The following CTNNA2 variants were observed in gnomAD, a reference collection of about 807,000 sequenced individuals.
CTNNA2 encodes catenin alpha-2.
A neutral mutation model predicts 101.0 loss-of-function variants in CTNNA2; 42 were observed. That is an observed-to-expected ratio of 0.42 (90% CI 0.32 to 0.54). CTNNA2 has a LOEUF of 0.54. Ranked by LOEUF, CTNNA2 falls within the 20% of genes least tolerant of loss-of-function variation. CTNNA2 has a pLI of 0.14. For missense variants in CTNNA2, 871 were observed against 1,223.1 expected, an observed-to-expected ratio of 0.71 and a Z score of 4.29; for synonymous variants, 450 against 456.4, an observed-to-expected ratio of 0.99 and a Z score of 0.18.
chr2:79,743,066 T>A (rs967820658), intron 2 of CTNNA2, among the ~76,000 whole-genome samples: 1 of 152,182 alleles, frequency 6.6e-6, no homozygotes, highest in Non-Finnish European at 1.5e-5. Context: ...CATTTGGAAC[T>A]TTTTTGTAGA....
intron 7 of CTNNA2, among the ~76,000 whole-genome samples, chr2:80,104,360 G>C (rs1700744680): frequency 6.6e-6 from 1 of 152,206 alleles, no homozygotes; most frequent in African/African-American, 2.4e-5. Flanking sequence ...AAGGCAAAGT[G>C]GGATGAGAGA....
chr2:79,191,249 T>C (rs1673866237), intron 1 of CTNNA2, among the ~76,000 whole-genome samples: 1 of 152,194 alleles, frequency 6.6e-6, no homozygotes, highest in Non-Finnish European at 1.5e-5. Context: ...CCAATTCCCC[T>C]CAGGGAAGCA....
At chr2:80,638,001 A>T (rs185055165) in intron 18 of CTNNA2, among the ~76,000 whole-genome samples, 1 of 152,116 alleles carries the variant, frequency 6.6e-6, no homozygotes, top group Non-Finnish European at 1.5e-5. Flanking sequence ...TCATTTAGTG[A>T]CTTTGATCCA....
intron 4 of CTNNA2, among the ~76,000 whole-genome samples, chr2:79,504,368 C>T (rs1671366745): frequency 6.6e-6 from 1 of 152,098 alleles, no homozygotes; most frequent in Non-Finnish European, 1.5e-5. Context: ...CAGCTCACTG[C>T]AACCTCCGCC....
At chr2:79,448,911 T>C (rs1354788264) in intron 4 of CTNNA2, among the ~76,000 whole-genome samples, 1 of 152,022 alleles carries the variant, frequency 6.6e-6, no homozygotes, top group African/African-American at 2.4e-5. Flanking sequence ...TTTATGTGCA[T>C]GAACAATCAA....
chr2:79,404,665 A>G (rs1678323500), intron 4 of CTNNA2, among the ~76,000 whole-genome samples: 1 of 152,060 alleles, frequency 6.6e-6, no homozygotes, highest in South Asian at 2.1e-4. Flanking sequence ...AATGGGCATG[A>G]GAGAAAAGGC....
intron 3 of CTNNA2, among the ~76,000 whole-genome samples, chr2:79,790,495 T>A (rs1042283206): frequency 6.6e-6 from 1 of 152,146 alleles, no homozygotes; most frequent in East Asian, 1.9e-4. Context: ...GAGGGCTATA[T>A]ACTAATGAAT....
intron 4 of CTNNA2, among the ~76,000 whole-genome samples, chr2:79,861,054 A>G (rs1304970925): frequency 3.9e-5 from 6 of 152,228 alleles, no homozygotes; most frequent in Non-Finnish European, 8.8e-5. Context: ...TTTTAAATAA[A>G]CAATGAGTTT....
intron 3 of CTNNA2, among the ~76,000 whole-genome samples, chr2:79,798,943 C>T (rs968299532): frequency 2.6e-5 from 4 of 152,214 alleles, no homozygotes; most frequent in South Asian, 2.1e-4. Context: ...ATGGAAAGTA[C>T]GCATCTGGCA....
intron 4 of CTNNA2, among the ~76,000 whole-genome samples, chr2:79,379,687 A>G (rs1385537802): frequency 6.6e-6 from 1 of 152,222 alleles, no homozygotes; most frequent in Non-Finnish European, 1.5e-5. Context: ...AGTAGTATGA[A>G]TGAGTCACAC....
intron 4 of CTNNA2, among the ~76,000 whole-genome samples, chr2:79,865,428 T>C (rs1681993613): frequency 6.6e-6 from 1 of 152,218 alleles, no homozygotes; most frequent in African/African-American, 2.4e-5. Context: ...GATTTACATA[T>C]GATCCATTAA....
chr2:79,576,448 A>T (rs1192937554), intron 1 of CTNNA2, among the ~76,000 whole-genome samples: 1 of 152,154 alleles, frequency 6.6e-6, no homozygotes, highest in Non-Finnish European at 1.5e-5. Flanking sequence ...TCGGTTTTTT[A>T]AAGTACCCAT....
chr2:80,506,927 G>A (rs1338479456), intron 9 of CTNNA2, among the ~76,000 whole-genome samples: 1 of 152,162 alleles, frequency 6.6e-6, no homozygotes, highest in Admixed American at 6.5e-5. Flanking sequence ...CTGTAAGATA[G>A]GGGTGAGAAT....
At chr2:80,631,474 G>A (rs1212184540) in intron 18 of CTNNA2, among the ~76,000 whole-genome samples, 1 of 151,708 alleles carries the variant, frequency 6.6e-6, no homozygotes, top group Non-Finnish European at 1.5e-5. Flanking sequence ...CTCGTTGCAA[G>A]GGAACAGACA....
At chr2:79,695,766 G>A (rs1384155096) in intron 2 of CTNNA2, among the ~76,000 whole-genome samples, 4 of 151,990 alleles carry the variant, frequency 2.6e-5, no homozygotes, top group Non-Finnish European at 5.9e-5. Context: ...GTTAGAGAGG[G>A]TCAGTGTGTA....
intron 3 of CTNNA2, among the ~76,000 whole-genome samples, chr2:79,322,935 A>T (rs1676657919): frequency 6.6e-6 from 1 of 152,148 alleles, no homozygotes; most frequent in South Asian, 2.1e-4. Context: ...TTGCGAGAGA[A>T]GTTTCCAAGT....
At chr2:79,224,098 C>G (rs1674379508) in intron 2 of CTNNA2, among the ~76,000 whole-genome samples, 1 of 152,126 alleles carries the variant, frequency 6.6e-6, no homozygotes, top group Non-Finnish European at 1.5e-5. Context: ...GCACTTCTAT[C>G]AATTTCTTTT....
chr2:79,614,990 T>C (rs533332258), intron 1 of CTNNA2, among the ~76,000 whole-genome samples: 4 of 152,292 alleles, frequency 2.6e-5, no homozygotes, highest in African/African-American at 9.6e-5. Context: ...TAGCCCTAAA[T>C]ACTCTGAACT....
chr2:79,209,917 G>A (rs1407567925), intron 2 of CTNNA2, among the ~76,000 whole-genome samples: 2 of 151,792 alleles, frequency 1.3e-5, no homozygotes, highest in Admixed American at 6.6e-5. Context: ...TAAGTTTAAA[G>A]TCTCTCTTTT....
Sources: allele counts gnomAD v4.1 joint callset (sites outside exome capture counted in the v4.1 genomes callset), GRCh38; gene constraint gnomAD v4.1.1; transcripts MANE v1.5; gene names NCBI Gene and HGNC (gene_info 2026-07-23, HGNC 2026-07-21).